Variants in MECOM observed in about 807,000 individuals in gnomAD.
The protein encoded by MECOM is histone-lysine N-methyltransferase MECOM.
In MECOM, 13 loss-of-function variants were observed where a neutral mutation model predicts 116.3. The ratio of observed to expected loss-of-function variants is 0.11; its 90% CI spans 0.07 to 0.18. The LOEUF (loss-of-function observed/expected upper bound fraction) is 0.18, where lower values mean the gene tolerates loss of function less well. MECOM is among the 10% of genes least tolerant of loss of function. The pLI is 1.00. For synonymous variants in MECOM, 528 were observed against 535.2 expected, an observed-to-expected ratio of 0.99 and a Z score of 0.19; for missense variants, 1,299 against 1,509.0, an observed-to-expected ratio of 0.86 and a Z score of 2.31.
intron 2 of MECOM, among the ~76,000 whole-genome samples, chr3:169,253,692 C>T (rs1560048970): frequency 1.3e-5 from 2 of 151,724 alleles, no homozygotes; most frequent in African/African-American, 2.4e-5. Flanking sequence ...CTTTTTTCCC[C>T]AGAAAGAAAA....
intron 1 of MECOM, chr3:169,483,901 C>A: frequency 6.2e-7 from 1 of 1,609,630 alleles, no homozygotes; most frequent in Non-Finnish European, 8.5e-7. Context: ...AGGTTCCCAG[C>A]TTTTCCGTTC....
chr3:169,418,431 G>T (rs1739101243), intron 1 of MECOM, among the ~76,000 whole-genome samples: 1 of 152,068 alleles, frequency 6.6e-6, no homozygotes, highest in Admixed American at 6.6e-5. Flanking sequence ...CAAAAACCTG[G>T]TAGAGACACA....
At chr3:169,137,200 G>A (rs1736616539) in intron 3 of MECOM, among the ~76,000 whole-genome samples, 1 of 152,076 alleles carries the variant, frequency 6.6e-6, no homozygotes, top group Non-Finnish European at 1.5e-5. Context: ...TAGGAGAGGA[G>A]GTAGGTAGCC....
At chr3:169,297,682 G>A (rs566397162) in intron 2 of MECOM, among the ~76,000 whole-genome samples, 10 of 152,026 alleles carry the variant, frequency 6.6e-5, no homozygotes, top group South Asian at 6.3e-4. Context: ...CAATGTAAAC[G>A]TCAATGATAA....
chr3:169,420,134 A>C (rs541376066), intron 1 of MECOM, among the ~76,000 whole-genome samples: 309 of 152,336 alleles, frequency 2.0e-3, no homozygotes, highest in South Asian at 3.5e-3. Context: ...GAGGTGGAGA[A>C]ATAGGAATGC....
At chr3:169,347,161 T>C (rs779299197) in intron 2 of MECOM, among the ~76,000 whole-genome samples, 4 of 152,000 alleles carry the variant, frequency 2.6e-5, no homozygotes, top group Non-Finnish European at 4.4e-5. Context: ...AAACAACATA[T>C]ATGCATTTGC....
chr3:169,331,121 ATACAT>A (rs1722640714), intron 2 of MECOM, among the ~76,000 whole-genome samples: 1 of 152,122 alleles, frequency 6.6e-6, no homozygotes, highest in African/African-American at 2.4e-5. Context: ...CATCCTAACT[ATACAT>A]TACATTTAAT....
intron 2 of MECOM, among the ~76,000 whole-genome samples, chr3:169,152,894 T>A (rs1741386965): frequency 6.6e-6 from 1 of 152,232 alleles, no homozygotes; most frequent in South Asian, 2.1e-4. Flanking sequence ...TCTTTTTTGC[T>A]TCTATTTTAA....
intron 12 of MECOM, among the ~76,000 whole-genome samples, chr3:169,099,127 AAAAC>A (rs368941132): frequency 7.5e-4 from 106 of 141,622 alleles, no homozygotes; most frequent in Middle Eastern, 7.2e-3. Flanking sequence ...AAAAAAAAAA[AAAAC>A]CCAGAGGGGC....
At chr3:169,166,294 G>A (rs957180085) in intron 2 of MECOM, among the ~76,000 whole-genome samples, 8 of 152,154 alleles carry the variant, frequency 5.3e-5, no homozygotes, top group African/African-American at 1.2e-4. Flanking sequence ...GTAGGGAAGC[G>A]GGGAGTGCGT....
At chr3:169,235,888 A>G (rs1334997044) in intron 2 of MECOM, among the ~76,000 whole-genome samples, 1 of 149,794 alleles carries the variant, frequency 6.7e-6, no homozygotes, top group East Asian at 1.9e-4. Context: ...AAAAAAAGGG[A>G]CAGACGCTCC....
At chr3:169,483,892 G>A in intron 1 of MECOM, 2 of 1,610,216 alleles carry the variant, frequency 1.2e-6, no homozygotes, top group African/African-American at 1.3e-5. Context: ...CCTCCACCAA[G>A]GTTCCCAGCT....
chr3:169,190,572 A>G (rs1313201674), intron 2 of MECOM, among the ~76,000 whole-genome samples: 2 of 152,082 alleles, frequency 1.3e-5, no homozygotes, highest in African/African-American at 4.8e-5. Flanking sequence ...ATCACAGGCC[A>G]ACTGGTATCC....
intron 2 of MECOM, among the ~76,000 whole-genome samples, chr3:169,202,264 A>T (rs1559986459): frequency 6.6e-6 from 1 of 152,176 alleles, no homozygotes; most frequent in Admixed American, 6.6e-5. Flanking sequence ...ATTTAGAGTC[A>T]GAGTATTTTT....
intron 6 of MECOM, 88 bp from the exon 7 acceptor site, chr3:169,121,297 C>G (rs1344335623): frequency 1.5e-6 from 2 of 1,368,208 alleles, no homozygotes; most frequent in Non-Finnish European, 1.9e-6. Flanking sequence ...AGAAATTTTT[C>G]TTATTTGTTT....
chr3:169,557,241 C>A (rs1244268699), intron 1 of MECOM, among the ~76,000 whole-genome samples: 1 of 152,140 alleles, frequency 6.6e-6, no homozygotes, highest in Non-Finnish European at 1.5e-5. Flanking sequence ...AAGAATCAAC[C>A]AGCTTTCCTG....
At chr3:169,159,176 C>A (rs911954774) in intron 2 of MECOM, among the ~76,000 whole-genome samples, 1 of 152,172 alleles carries the variant, frequency 6.6e-6, no homozygotes, top group Non-Finnish European at 1.5e-5. Flanking sequence ...TAGACCATAG[C>A]CTTCTGATGT....
rs557547841 is a variant in MECOM at position 169,265,093 on chromosome 3, G to T, written c.375+116094C>A. Among the ~76,000 whole-genome samples the T allele has an allele frequency of 1.1e-4, 16 of 151,924 alleles. No individual in the cohort carries two copies. In the East Asian group the frequency reaches 3.1e-3, roughly 29 times the overall value. Reference sequence around the variant, plus strand: ...ATATTCTTGATATATAAATCAACCCGAATTTGAAGGAAGATTTTTTTTAAC... The same window carrying T: ...ATATTCTTGATATATAAATCAACCCTAATTTGAAGGAAGATTTTTTTTAAC... On this transcript the variant is annotated intron_variant, in intron 2 of 16. Coordinates refer to ENST00000651503, the MANE Select transcript of MECOM (RefSeq NM_004991.4).
intron 13 of MECOM, among the ~76,000 whole-genome samples, chr3:169,093,536 G>A (rs60065378): frequency 0.03 from 4,575 of 152,246 alleles, 258 homozygotes; most frequent in African/African-American, 0.1. Context: ...CTATGCTAAA[G>A]CATATAACAA....
Sources: gnomAD v4.1 joint callset for allele counts (sites outside exome capture counted in the v4.1 genomes callset) on GRCh38, gnomAD v4.1.1 for gene constraint, MANE v1.5 for transcripts, NCBI Gene and HGNC (gene_info 2026-07-23, HGNC 2026-07-21) for gene names.